The following SRPK2 variants were observed in gnomAD, a reference collection of about 807,000 sequenced individuals.
SRPK2 encodes the protein SRSF protein kinase 2.
In SRPK2, 21 loss-of-function variants were observed where a neutral mutation model predicts 90.8. The ratio of observed to expected loss-of-function variants is 0.23; its 90% CI spans 0.16 to 0.33. The LOEUF is 0.33. Among genes scored for constraint, SRPK2 ranks in the 10% least tolerant of loss-of-function variants. SRPK2 has a pLI of 1.00. For synonymous variants in SRPK2, 288 were observed against 311.1 expected (o/e 0.93, Z 0.78); for missense variants, 620 against 869.0 (o/e 0.71, Z 3.60).
chr7:105,392,817 TC>T (rs1822215642), upstream of SRPK2, among the ~76,000 whole-genome samples: 1 of 151,286 alleles, frequency 6.6e-6, no homozygotes, highest in African/African-American at 2.4e-5. Flanking sequence ...ATTCTTTTTT[TC>T]TTTTTTTTTT....
In SRPK2 at chr7:105,133,124, G is replaced by A; in HGVS notation, c.1544-20C>T. 2 of 1,611,860 alleles carry A rather than the reference G, an allele frequency of 1.2e-6. No individual in the cohort carries two copies. The highest frequency in any genetic ancestry group is 2.2e-5 in the East Asian group (1 of 44,874). ...TTTTTGCTGGCATGAGCAAACAGCA[G>A]GACAGTTAGTGATCGGGATAGGTGG... On this transcript the variant is annotated intron_variant, in intron 11 of 15. Transcript: ENST00000393651.
At chr7:105,344,047 A>T (rs563428678) in intron 2 of SRPK2, among the ~76,000 whole-genome samples, 1 of 152,066 alleles carries the variant, frequency 6.6e-6, no homozygotes, top group East Asian at 1.9e-4. Flanking sequence ...TATAGGTGCG[A>T]GCGACCACGC....
chr7:105,245,568 A>C (rs1801535838), intron 2 of SRPK2, among the ~76,000 whole-genome samples: 1 of 152,208 alleles, frequency 6.6e-6, no homozygotes, highest in Non-Finnish European at 1.5e-5. Flanking sequence ...GGAATGACAG[A>C]TGAAAGCAGT....
At chr7:105,321,906 CAT>C (rs941282223) in intron 2 of SRPK2, among the ~76,000 whole-genome samples, 14 of 152,140 alleles carry the variant, frequency 9.2e-5, no homozygotes, top group African/African-American at 3.1e-4. Context: ...AAAAGTTAAA[CAT>C]AGAATTACCA....
intron 2 of SRPK2, among the ~76,000 whole-genome samples, chr7:105,257,833 C>T (rs915791941): frequency 1.4e-4 from 21 of 152,018 alleles, no homozygotes; most frequent in Admixed American, 8.5e-4. Flanking sequence ...AAAGAATGGC[C>T]GGGTGCAGTG....
At chr7:105,301,649 C>T in intron 2 of SRPK2, 2 of 1,611,368 alleles carry the variant, frequency 1.2e-6, no homozygotes, top group Non-Finnish European at 1.7e-6. Flanking sequence ...GATCCCAAAG[C>T]CTTCTTAATA....
intron 2 of SRPK2, among the ~76,000 whole-genome samples, chr7:105,360,455 A>G (rs1305469084): frequency 6.6e-6 from 1 of 152,196 alleles, no homozygotes; most frequent in Non-Finnish European, 1.5e-5. Context: ...TAGTTGATGC[A>G]GTTTCCTCAT....
intron 2 of SRPK2, among the ~76,000 whole-genome samples, chr7:105,208,370 C>G (rs189296687): frequency 6.6e-6 from 1 of 152,080 alleles, no homozygotes; most frequent in Non-Finnish European, 1.5e-5. Flanking sequence ...CTATTTTTAA[C>G]GAAAAGCAGA....
chr7:105,323,132 A>C (rs1476695960), intron 2 of SRPK2, among the ~76,000 whole-genome samples: 1 of 152,010 alleles, frequency 6.6e-6, no homozygotes, highest in Non-Finnish European at 1.5e-5. Flanking sequence ...GGAGGCTACA[A>C]TGAGCCAAGA....
At chr7:105,389,430 A>T (rs1822078604), upstream of SRPK2, 2 of 1,199,394 alleles carry the variant, frequency 1.7e-6, no homozygotes, top group African/African-American at 1.6e-5. Flanking sequence ...AAGCTGGGAA[A>T]CCTGGGTCCG....
At chr7:105,349,520 C>T (rs1386539353) in intron 2 of SRPK2, among the ~76,000 whole-genome samples, 2 of 130,968 alleles carry the variant, frequency 1.5e-5, no homozygotes, top group African/African-American at 5.8e-5. Flanking sequence ...GAAACTCCAT[C>T]TCAAAAAAAA....
intron 15 of SRPK2, chr7:105,125,841 T>G: frequency 7.7e-7 from 1 of 1,298,502 alleles, no homozygotes; most frequent in South Asian, 1.2e-5. Flanking sequence ...TCGAGGGACT[T>G]TCCCCAGCAG....
intron 2 of SRPK2, among the ~76,000 whole-genome samples, chr7:105,337,943 A>G (rs1258300005): frequency 6.6e-6 from 1 of 152,202 alleles, no homozygotes; most frequent in Admixed American, 6.5e-5. Flanking sequence ...AGTTGCAAAA[A>G]AGAAAAAAAA....
chr7:105,281,809 A>C (rs950316638), intron 2 of SRPK2, among the ~76,000 whole-genome samples: 1 of 152,222 alleles, frequency 6.6e-6, no homozygotes, highest in East Asian at 1.9e-4. Context: ...AAAGAAATGA[A>C]AGACCTGAAT....
chr7:105,360,052 C>G (rs879477924), intron 2 of SRPK2, among the ~76,000 whole-genome samples: 52 of 152,272 alleles, frequency 3.4e-4, no homozygotes, highest in Admixed American at 1.4e-3. Flanking sequence ...CTTTATGAAT[C>G]TGGATGTTCC....
chr7:105,266,225 G>C (rs1805050749), intron 2 of SRPK2, among the ~76,000 whole-genome samples: 1 of 151,174 alleles, frequency 6.6e-6, no homozygotes, highest in African/African-American at 2.4e-5. Flanking sequence ...GGACTCTTAA[G>C]ATTCTACAAA....
chr7:105,237,166 A>T (rs1800243807), intron 2 of SRPK2, among the ~76,000 whole-genome samples: 1 of 152,238 alleles, frequency 6.6e-6, no homozygotes, highest in South Asian at 2.1e-4. Flanking sequence ...TTAGCTTCTG[A>T]CCAAACCCTG....
At chr7:105,160,440 C>G (rs766831205) in intron 7 of SRPK2, 67 bp downstream of exon 7, 119 of 842,516 alleles carry the variant, frequency 1.4e-4, no homozygotes, top group Admixed American at 7.6e-4. Context: ...TATTTGTAAA[C>G]AGCATTCATG....
intron 2 of SRPK2, among the ~76,000 whole-genome samples, chr7:105,332,205 G>GA (rs1206324610): frequency 2.0e-5 from 3 of 152,054 alleles, no homozygotes; most frequent in Non-Finnish European, 2.9e-5. Context: ...ACTGCCACCT[G>GA]AAAAAACTAA....
Sources: allele counts gnomAD v4.1 joint callset (sites outside exome capture counted in the v4.1 genomes callset), GRCh38; gene constraint gnomAD v4.1.1; transcripts MANE v1.5; gene names NCBI Gene and HGNC (gene_info 2026-07-23, HGNC 2026-07-21).